The following FSTL1 variants were observed in gnomAD, a reference collection of about 807,000 sequenced individuals.
FSTL1 encodes the protein follistatin like 1.
FSTL1 carries 24 observed loss-of-function variants against 45.9 expected under a neutral mutation model. The observed-to-expected ratio is 0.52, with a 90% CI of 0.38 to 0.74. FSTL1 has a LOEUF of 0.74. Among genes scored for constraint, FSTL1 ranks in the 30% least tolerant of loss-of-function variants. The pLI, the probability that FSTL1 is intolerant of heterozygous loss-of-function variation, is 0.00. For missense variants in FSTL1, 340 were observed against 381.8 expected (o/e 0.89, Z 0.91); for synonymous variants, 120 against 137.6 (o/e 0.87, Z 0.89).
In FSTL1 at chr3:120,395,573, A is replaced by G. The variant is rs1202240513; in HGVS notation, c.*1379T>C. On this transcript the variant is annotated 3_prime_UTR_variant, in exon 11 of 11. Coordinates refer to ENST00000295633, the MANE Select transcript of FSTL1 (RefSeq NM_007085.5). ...TTCCTGCTTTACCCATGAGGACTCC[A>G]TATCATAGCACGACCTGTAGGGTCA... 4 of 485,360 alleles carry G rather than the reference A, an allele frequency of 8.2e-6. No individual in the cohort carries two copies. The highest frequency in any genetic ancestry group is 2.0e-5 in the African/African-American group (1 of 50,244). 30.1% of individuals were successfully genotyped at this position (485,360 alleles called of 1,614,324 possible).
chr3:120,398,427 C>A (rs1254381223), intron 10 of FSTL1, among the ~76,000 whole-genome samples: 2 of 152,162 alleles, frequency 1.3e-5, no homozygotes, highest in African/African-American at 4.8e-5. Flanking sequence ...ACTCTGTCCA[C>A]ACACACTGAT....
chr3:120,418,453 T>G (rs1366047244), intron 2 of FSTL1, among the ~76,000 whole-genome samples: 1 of 152,198 alleles, frequency 6.6e-6, no homozygotes, highest in Non-Finnish European at 1.5e-5. Flanking sequence ...AATAACTCCT[T>G]AAGTTAGACA....
At chr3:120,431,132 C>A (rs1240807853) in intron 2 of FSTL1, among the ~76,000 whole-genome samples, 1 of 152,058 alleles carries the variant, frequency 6.6e-6, no homozygotes, top group Non-Finnish European at 1.5e-5. Context: ...CCACCATGCC[C>A]GGACAATTTT....
At chr3:120,437,254 C>T (rs1937578594) in intron 2 of FSTL1, among the ~76,000 whole-genome samples, 1 of 152,116 alleles carries the variant, frequency 6.6e-6, no homozygotes, top group Non-Finnish European at 1.5e-5. Context: ...CTTACAGAAG[C>T]TAATAGGATA....
chr3:120,423,995 A>G (rs1214740758), intron 2 of FSTL1: 1 of 152,256 alleles, frequency 6.6e-6, no homozygotes, highest in African/African-American at 2.4e-5. Flanking sequence ...AGGCCAATGT[A>G]GAGAGTATAA....
intron 2 of FSTL1, among the ~76,000 whole-genome samples, chr3:120,449,103 A>G (rs915913322): frequency 6.6e-6 from 1 of 152,226 alleles, no homozygotes; most frequent in African/African-American, 2.4e-5. Flanking sequence ...CAAACCCTGG[A>G]AAACCAGATG....
chr3:120,444,721 G>A (rs1937700133), intron 2 of FSTL1, among the ~76,000 whole-genome samples: 2 of 149,814 alleles, frequency 1.3e-5, no homozygotes, highest in South Asian at 4.1e-4. Context: ...AGAGAATATA[G>A]AAAAGACTAG....
In FSTL1 at chr3:120,411,878, C is replaced by G. The variant is rs1937060930; in HGVS notation, c.274G>C (p.Val92Leu). 1.2e-6 allele frequency: 2 copies of G among 1,613,982 alleles called. No individual in the cohort carries two copies. The highest frequency in any genetic ancestry group is 1.7e-6 in the Non-Finnish European group (2 of 1,179,936). ...CCTTTGCAGTGTCCATCGTAATCAA[C>G]CTGGATTTTGGATCCAGTGAGGCAG... is the stretch of plus-strand genomic sequence containing the variant. ...DACLTGSKIQ[V>L]DYDGHCKEKK... The change falls in exon 4 of 11, where the codon GTT becomes CTT. Residue 92 changes from valine (V) to leucine (L), a missense_variant. Physicochemically the swap from Val to Leu is conservative, Grantham distance 32. Coordinates refer to ENST00000295633, the MANE Select transcript of FSTL1 (RefSeq NM_007085.5).
chr3:120,416,006 T>G lies in FSTL1; in HGVS notation c.85A>C (p.Lys29Gln). ...CCACAAAACACATTGGCACAGATCT[T>G]GGATTTGCTCCTTAGCTCTTCCTAA... ...RAEEELRSKS[K>Q]ICANVFCGAG... The change falls in exon 3 of 11, where the codon AAG becomes CAG. Residue 29 changes from lysine (K) to glutamine (Q), a missense_variant. Transcript: ENST00000295633. The G allele has an allele frequency of 6.2e-7, 1 of 1,613,584 alleles. No homozygotes were observed. Among genetic ancestry groups the G allele is most frequent in the Non-Finnish European group, 8.5e-7 (1 of 1,179,480 alleles).
At chr3:120,427,230 C>T (rs1485859458) in intron 2 of FSTL1, among the ~76,000 whole-genome samples, 1 of 152,204 alleles carries the variant, frequency 6.6e-6, no homozygotes, top group Non-Finnish European at 1.5e-5. Context: ...TGACCTTTTA[C>T]TTTCTACTGG....
intron 2 of FSTL1, among the ~76,000 whole-genome samples, chr3:120,447,081 G>C (rs947070280): frequency 2.0e-5 from 3 of 152,184 alleles, no homozygotes; most frequent in Admixed American, 1.3e-4. Context: ...TCTTCCTAAA[G>C]CAGGCAGTTG....
At chr3:120,450,370 CT>C (rs1937858044) in intron 2 of FSTL1, among the ~76,000 whole-genome samples, 1 of 152,162 alleles carries the variant, frequency 6.6e-6, no homozygotes, top group Non-Finnish European at 1.5e-5. Context: ...ACTGAGGCGC[CT>C]TTTTGAACTC....
intron 7 of FSTL1, among the ~76,000 whole-genome samples, chr3:120,404,272 T>C (rs186448659): frequency 6.6e-6 from 1 of 152,374 alleles, no homozygotes; most frequent in East Asian, 1.9e-4. Flanking sequence ...AGAATCCTTC[T>C]AGAAACTGTG....
chr3:120,417,445 C>T (rs1329360744), intron 2 of FSTL1, among the ~76,000 whole-genome samples: 2 of 152,174 alleles, frequency 1.3e-5, no homozygotes, highest in East Asian at 3.8e-4. Context: ...GTCTAGAAGC[C>T]GTTCTCAGCT....
rs771983220 is a variant in FSTL1 at position 120,402,936 on chromosome 3, C to T, written c.695-18G>A. The T allele has an allele frequency of 7.0e-5, 103 of 1,477,410 alleles. No individual in the cohort carries two copies. Among genetic ancestry groups the T allele is most frequent in the East Asian group, 1.4e-4 (6 of 44,234 alleles). The allele number at this position is 1,477,410 out of a possible 1,614,324, so 91.5% of individuals were successfully genotyped here. A position where few individuals can be genotyped will look rare whatever the true frequency, so the allele number is the denominator to read the frequency against. On this transcript the variant is annotated intron_variant, in intron 8 of 10. Transcript: ENST00000295633. ...GGCACACTCTGTTGGGCCAGAAATACGGGGCAACAGTTTAGCTGTGAGGGT... is the reference window on the plus strand; with the variant it reads ...GGCACACTCTGTTGGGCCAGAAATATGGGGCAACAGTTTAGCTGTGAGGGT...
intron 3 of FSTL1, among the ~76,000 whole-genome samples, chr3:120,413,800 C>CACGGT (rs1352870713): frequency 0.02 from 7 of 348 alleles, no homozygotes; most frequent in Non-Finnish European, 0.03. Context: ...TCCCCCTCCC[C>CACGGT]CTCCCTCTCC....
chr3:120,446,374 T>C (rs1009932210), intron 2 of FSTL1, among the ~76,000 whole-genome samples: 2 of 152,230 alleles, frequency 1.3e-5, no homozygotes, highest in African/African-American at 4.8e-5. Flanking sequence ...GATGGAGTCC[T>C]GGTTTCTGTC....
At chr3:120,426,209 A>C (rs1320137518) in intron 2 of FSTL1, among the ~76,000 whole-genome samples, 1 of 152,146 alleles carries the variant, frequency 6.6e-6, no homozygotes, top group Non-Finnish European at 1.5e-5. Context: ...AAATCAAAGA[A>C]GGGAGAAAGC....
At chr3:120,408,447 GT>G (rs1936988720) in intron 6 of FSTL1, among the ~76,000 whole-genome samples, 1 of 152,220 alleles carries the variant, frequency 6.6e-6, no homozygotes, top group Non-Finnish European at 1.5e-5. Context: ...AGCCAACCCA[GT>G]ATTTCTTCAT....
Sources: gnomAD v4.1 joint callset for allele counts (sites outside exome capture counted in the v4.1 genomes callset) on GRCh38, gnomAD v4.1.1 for gene constraint, MANE v1.5 for transcripts, NCBI Gene and HGNC (gene_info 2026-07-23, HGNC 2026-07-21) for gene names.